Variants in KCNQ4 observed in about 807,000 individuals in gnomAD.
The protein encoded by KCNQ4 is potassium voltage-gated channel subfamily KQT member 4.
Under a neutral mutation model 72.6 loss-of-function variants are expected in KCNQ4, and 31 were observed. The observed-to-expected ratio is 0.43, with a 90% CI of 0.32 to 0.58. The LOEUF is 0.58. Among genes scored for constraint, KCNQ4 ranks in the 20% least tolerant of loss-of-function variants. KCNQ4 has a pLI of 0.08. For synonymous variants in KCNQ4, 405 were observed against 403.7 expected (o/e 1.00, Z -0.04); for missense variants, 869 against 962.6 (o/e 0.90, Z 1.29).
intron 1 of KCNQ4, among the ~76,000 whole-genome samples, chr1:40,801,776 T>C (rs1452315257): frequency 6.6e-6 from 1 of 152,202 alleles, no homozygotes; most frequent in Non-Finnish European, 1.5e-5. Flanking sequence ...ATGCCCAGGA[T>C]GCCAGCCCCA....
rs1180519135 is a variant in KCNQ4, at chr1:40,784,572, C to G, written c.314+165C>G. Among the ~76,000 whole-genome samples the G allele has an allele frequency of 1.3e-5, 2 of 152,040 alleles. No homozygotes were observed. The highest frequency in any genetic ancestry group is 6.5e-5 in the Admixed American group (1 of 15,284). ...CGGTTTCTGATCCCCTCGCTGAGCC[C>G]GACCCTAAGCCCTGATCTCCCAGGC... On this transcript the variant is annotated intron_variant, in intron 1 of 13. Coordinates refer to ENST00000347132, the MANE Select transcript of KCNQ4 (RefSeq NM_004700.4). This position sits in a 1 kb window ranked among gnomAD's most constrained non-coding sequence, Gnocchi z 4.1.
At chr1:40,819,785 T>G in intron 5 of KCNQ4, 90 bp from the exon 6 acceptor site, 1 of 1,099,010 alleles carries the variant, frequency 9.1e-7, no homozygotes, top group Non-Finnish European at 1.4e-6. Flanking sequence ...GCCCCTTCCC[T>G]CATGATCAGG....
At position 40,835,022 on chromosome 1, in the gene KCNQ4, G is replaced by A; in HGVS notation, c.1669G>A (p.Asp557Asn). The A allele has an allele frequency of 2.5e-6, 4 of 1,614,106 alleles. No individual in the cohort carries two copies. Among genetic ancestry groups the A allele is most frequent in the Non-Finnish European group, 3.4e-6 (4 of 1,179,984 alleles). Residue 557 changes from aspartate (D) to asparagine (N), a missense_variant, in exon 12 of 14, where the codon GAC becomes AAC. This residue lies in a region of KCNQ4 where 480 missense variants were observed against 501.9 expected (regional missense o/e 0.96). Coordinates refer to ENST00000347132, the MANE Select transcript of KCNQ4 (RefSeq NM_004700.4). ...ATTCAAGGAGACACTGCGACCGTAC[G>A]ACGTGAAGGACGTCATTGAGCAGTA... ...RKFKETLRPY[D>N]VKDVIEQYSA... is the part of the protein sequence containing the mutation.
chr1:40,808,786 T>A (rs1309366576), intron 1 of KCNQ4, among the ~76,000 whole-genome samples: 4 of 152,216 alleles, frequency 2.6e-5, no homozygotes, highest in Non-Finnish European at 4.4e-5. Flanking sequence ...CAACTTCTCC[T>A]TCTTGATCTC....
intron 9 of KCNQ4, 51 bp downstream of exon 9, chr1:40,824,309 C>G (rs752953876): frequency 9.6e-6 from 15 of 1,567,144 alleles, no homozygotes; most frequent in Non-Finnish European, 1.3e-5. Context: ...TCCTCTTCTT[C>G]CATTCTCTGT....
At chr1:40,786,890 A>T (rs1647208548) in intron 1 of KCNQ4, among the ~76,000 whole-genome samples, 1 of 152,104 alleles carries the variant, frequency 6.6e-6, no homozygotes, top group Non-Finnish European at 1.5e-5. Flanking sequence ...TTTCTCAGTC[A>T]CACTGCAGGG....
At chr1:40,831,396 C>T (rs892497954) in intron 10 of KCNQ4, 92 bp downstream of exon 10, 17 of 1,060,312 alleles carry the variant, frequency 1.6e-5, no homozygotes, top group African/African-American at 1.3e-4. Context: ...ATCTGGCTCG[C>T]GTCTCAGCTC....
chr1:40,807,217 A>G (rs904708484), intron 1 of KCNQ4, among the ~76,000 whole-genome samples: 1 of 151,984 alleles, frequency 6.6e-6, no homozygotes, highest in African/African-American at 2.4e-5. Flanking sequence ...CTGTCCCTCC[A>G]GGGACAGCCT....
At chr1:40,820,020 T>A (rs1428063838) in intron 6 of KCNQ4, 35 bp downstream of exon 6, 1 of 1,581,882 alleles carries the variant, frequency 6.3e-7, no homozygotes, top group South Asian at 1.1e-5. Context: ...TGGGGGAGGC[T>A]GAGGGTGGGA....
chr1:40,821,081 TC>T (rs1186510527), intron 7 of KCNQ4, among the ~76,000 whole-genome samples: 3 of 152,174 alleles, frequency 2.0e-5, no homozygotes, highest in Admixed American at 6.5e-5. Context: ...CGCTGTTATC[TC>T]CAGCCACCAG....
At chr1:40,787,855 A>T (rs1228208550) in intron 1 of KCNQ4, among the ~76,000 whole-genome samples, 3 of 152,170 alleles carry the variant, frequency 2.0e-5, no homozygotes, top group African/African-American at 7.2e-5. Context: ...AGGCCACTCC[A>T]GCTTCCCTTG....
chr1:40,826,272 C>G (rs1051070472), intron 9 of KCNQ4, among the ~76,000 whole-genome samples: 1 of 152,224 alleles, frequency 6.6e-6, no homozygotes, highest in Admixed American at 6.5e-5. Context: ...TTGCCAGGGC[C>G]AGCACCTCTC....
At chr1:40,801,920 G>C (rs1647586557) in intron 1 of KCNQ4, among the ~76,000 whole-genome samples, 1 of 152,116 alleles carries the variant, frequency 6.6e-6, no homozygotes, top group Admixed American at 6.5e-5. Flanking sequence ...CTGTCAGGTG[G>C]GATTTGGGGA....
At position 40,799,882 on chromosome 1, in the gene KCNQ4, C is replaced by A. The variant is rs573512785; in HGVS notation, c.314+15475C>A. On this transcript the variant is annotated intron_variant, in intron 1 of 13. Transcript: ENST00000347132. ...ACTGTTTCAAGTCATAGATCTGGTT[C>A]TTTGAATGACACCTGATACAGAAGC... 9.8e-5 allele frequency among the ~76,000 whole-genome samples: 15 copies of A among 152,312 alleles called. 1 individual carries two copies. The South Asian group carries it at 3.1e-3, about 32-fold the overall frequency.
At chr1:40,792,924 A>G (rs1296128585) in intron 1 of KCNQ4, among the ~76,000 whole-genome samples, 2 of 150,690 alleles carry the variant, frequency 1.3e-5, no homozygotes, top group African/African-American at 4.9e-5. Context: ...CATCTCTGGG[A>G]GCCATGCATT....
At chr1:40,815,155 G>A (rs545594526) in intron 1 of KCNQ4, among the ~76,000 whole-genome samples, 2 of 151,010 alleles carry the variant, frequency 1.3e-5, no homozygotes, top group East Asian at 2.0e-4. Flanking sequence ...CAGCAGAATC[G>A]CTTGAACCCG....
intron 9 of KCNQ4, among the ~76,000 whole-genome samples, chr1:40,830,582 C>T (rs1016343254): frequency 9.9e-5 from 15 of 151,926 alleles, no homozygotes; most frequent in African/African-American, 1.9e-4. Flanking sequence ...TGTGCATGCG[C>T]GCACACACAC....
chr1:40,826,281 T>C (rs1350257292), intron 9 of KCNQ4, among the ~76,000 whole-genome samples: 1 of 152,208 alleles, frequency 6.6e-6, no homozygotes. Flanking sequence ...CCAGCACCTC[T>C]CCTCTTCAGG....
At position 40,784,213 on chromosome 1, in the gene KCNQ4, C is replaced by G. The variant is rs1438418780; in HGVS notation, c.120C>G (p.Gly40=). 8.6e-7 allele frequency: 1 copy of G among 1,156,980 alleles called. No individual in the cohort carries two copies. Among genetic ancestry groups the G allele is most frequent in the Non-Finnish European group, 1.1e-6 (1 of 945,088 alleles). 71.7% of individuals were successfully genotyped at this position (1,156,980 alleles called of 1,614,324 possible). Residue 40 remains glycine (G), a synonymous_variant, in exon 1 of 14, where the codon GGC becomes GGG. Coordinates refer to ENST00000347132, the MANE Select transcript of KCNQ4 (RefSeq NM_004700.4). This position sits in a 1 kb window ranked among gnomAD's most constrained non-coding sequence, Gnocchi z 4.1. The part of the protein sequence containing the change: ...QSEQGEAGGG[G]SPRRLGLLGS... Reference sequence around the variant, plus strand: ...AACAGGGCGAGGCGGGCGGGGGCGGCTCCCCGCGCCGCCTCGGCCTCCTGG... The same window carrying G: ...AACAGGGCGAGGCGGGCGGGGGCGGGTCCCCGCGCCGCCTCGGCCTCCTGG...
Sources: allele counts gnomAD v4.1 joint callset (sites outside exome capture counted in the v4.1 genomes callset), GRCh38; gene constraint gnomAD v4.1.1; regional missense constraint gnomAD v4.1.1; non-coding constraint Gnocchi (gnomAD v3.1); transcripts MANE v1.5; gene names NCBI Gene and HGNC (gene_info 2026-07-23, HGNC 2026-07-21).